UNC5D: variants seen among roughly 807,000 people sequenced by gnomAD.
UNC5D encodes netrin receptor UNC5D.
In UNC5D, 39 loss-of-function variants were observed where a neutral mutation model predicts 105.4. The observed-to-expected ratio is 0.37, with a 90% CI of 0.29 to 0.48. The LOEUF (loss-of-function observed/expected upper bound fraction) is 0.48. Ranked by LOEUF, UNC5D falls within the 20% of genes least tolerant of loss-of-function variation. UNC5D has a pLI of 0.98. For synonymous variants in UNC5D, 452 were observed against 450.4 expected, an observed-to-expected ratio of 1.00 and a Z score of -0.04; for missense variants, 991 against 1,202.4, an observed-to-expected ratio of 0.82 and a Z score of 2.60.
Position 35,434,209 on chromosome 8 carries a change from C to T in UNC5D, c.104-115083C>T, listed in dbSNP as rs374734921. On this transcript the variant is annotated intron_variant, in intron 1 of 16. Transcript: ENST00000404895. Reference sequence around the variant, plus strand: ...GACAGTAAATTAAATCTCAATTTCACGTGGATTTTACGTATCAGCTCATGT... The same window carrying T: ...GACAGTAAATTAAATCTCAATTTCATGTGGATTTTACGTATCAGCTCATGT... 4.6e-5 allele frequency among the ~76,000 whole-genome samples: 7 copies of T among 152,080 alleles called. No individual in the cohort carries two copies. In the East Asian group the frequency reaches 5.8e-4, roughly 13 times the overall value.
At chr8:35,544,512 A>G in intron 1 of UNC5D, 4 of 1,612,182 alleles carry the variant, frequency 2.5e-6, no homozygotes, top group Middle Eastern at 3.3e-4. Flanking sequence ...TTCCTGTTGG[A>G]CTTTTCCTCC....
chr8:35,465,424 T>A (rs1809232278), intron 1 of UNC5D, among the ~76,000 whole-genome samples: 1 of 145,032 alleles, frequency 6.9e-6, no homozygotes, highest in Admixed American at 7.0e-5. Flanking sequence ...GCCACATAAG[T>A]CTCAATCACA....
At chr8:35,589,418 T>C (rs1819013458) in intron 3 of UNC5D, among the ~76,000 whole-genome samples, 1 of 151,954 alleles carries the variant, frequency 6.6e-6, no homozygotes, top group Non-Finnish European at 1.5e-5. Context: ...TTTTTTTTTT[T>C]TTTTAGAAAA....
At chr8:35,419,652 T>C (rs1250754715) in intron 1 of UNC5D, among the ~76,000 whole-genome samples, 1 of 152,078 alleles carries the variant, frequency 6.6e-6, no homozygotes, top group African/African-American at 2.4e-5. Context: ...AGCTCGTTCG[T>C]GTTATGGCTT....
chr8:35,669,601 G>C (rs1824643623), intron 4 of UNC5D, among the ~76,000 whole-genome samples: 1 of 151,960 alleles, frequency 6.6e-6, no homozygotes, highest in South Asian at 2.1e-4. Context: ...CCCTGCCATT[G>C]TTACAGTGTC....
intron 1 of UNC5D, among the ~76,000 whole-genome samples, chr8:35,543,455 G>A (rs1815412752): frequency 6.6e-6 from 1 of 152,164 alleles, no homozygotes; most frequent in African/African-American, 2.4e-5. Context: ...CACATCAAAT[G>A]ATAAAATATT....
chr8:35,737,606 T>C (rs1829543232), intron 11 of UNC5D, among the ~76,000 whole-genome samples: 1 of 152,210 alleles, frequency 6.6e-6, no homozygotes, highest in Non-Finnish European at 1.5e-5. Context: ...CATGTGACCG[T>C]AATCTCATTT....
intron 4 of UNC5D, among the ~76,000 whole-genome samples, chr8:35,680,658 C>T (rs529440048): frequency 6.6e-5 from 10 of 152,252 alleles, no homozygotes; most frequent in African/African-American, 1.7e-4. Context: ...TTCTACTTGA[C>T]GGTTGTACCT....
intron 1 of UNC5D, among the ~76,000 whole-genome samples, chr8:35,330,186 T>C (rs1395622577): frequency 3.3e-5 from 5 of 152,224 alleles, no homozygotes; most frequent in Non-Finnish European, 4.4e-5. Flanking sequence ...TCCTTAACCT[T>C]AGTACATATT....
In UNC5D at chr8:35,317,688, A is replaced by C. The variant is rs191058060; in HGVS notation, c.103+81801A>C. Among the ~76,000 whole-genome samples the C allele has an allele frequency of 1.5e-3, 236 of 152,266 alleles. 2 individuals are homozygous for C. Among genetic ancestry groups the C allele is most frequent in the African/African-American group, 5.2e-3 (218 of 41,558 alleles). On this transcript the variant is annotated intron_variant, in intron 1 of 16. Coordinates refer to ENST00000404895, the MANE Select transcript of UNC5D (RefSeq NM_080872.4). ...GGAAGCCAGATTGTTTAGCGAACTC[A>C]GAGTAAGACTAAGGGTAGGTATGGA...
chr8:35,757,101 C>A (rs1350544916), intron 13 of UNC5D, among the ~76,000 whole-genome samples: 1 of 151,998 alleles, frequency 6.6e-6, no homozygotes, highest in African/African-American at 2.4e-5. Flanking sequence ...AGGTAAGGAA[C>A]TGAAGTCTAA....
chr8:35,250,176 T>C (rs1362494973), intron 1 of UNC5D, among the ~76,000 whole-genome samples: 1 of 152,154 alleles, frequency 6.6e-6, no homozygotes, highest in Non-Finnish European at 1.5e-5. Context: ...AGAGTTTAAT[T>C]CTGAAGTTCT....
intron 3 of UNC5D, among the ~76,000 whole-genome samples, chr8:35,589,693 A>G (rs1819034363): frequency 1.3e-5 from 2 of 151,806 alleles, no homozygotes; most frequent in African/African-American, 4.8e-5. Context: ...CCACTCATCT[A>G]TTTTCTGTCT....
chr8:35,706,034 G>A, intron 8 of UNC5D, 73 bp downstream of exon 8: 2 of 1,031,126 alleles, frequency 1.9e-6, no homozygotes, highest in Non-Finnish European at 2.8e-6. Flanking sequence ...TTGTTTAGGA[G>A]CTGAGCAGAA....
intron 1 of UNC5D, among the ~76,000 whole-genome samples, chr8:35,278,885 C>T (rs944461914): frequency 2.0e-5 from 3 of 152,122 alleles, no homozygotes; most frequent in African/African-American, 4.8e-5. Flanking sequence ...TCCTCATTTT[C>T]CCACCTCTCT....
intron 1 of UNC5D, among the ~76,000 whole-genome samples, chr8:35,517,653 A>G (rs1206644226): frequency 1.3e-5 from 2 of 152,212 alleles, no homozygotes; most frequent in African/African-American, 4.8e-5. Context: ...TGAATTACTC[A>G]CCCAATGCAT....
intron 7 of UNC5D, among the ~76,000 whole-genome samples, chr8:35,696,593 G>C (rs1350483052): frequency 6.6e-6 from 1 of 152,098 alleles, no homozygotes; most frequent in African/African-American, 2.4e-5. Flanking sequence ...ATCTACTGTT[G>C]TGAAAAACTC....
chr8:35,292,119 A>C (rs1450824523), intron 1 of UNC5D, among the ~76,000 whole-genome samples: 1 of 152,212 alleles, frequency 6.6e-6, no homozygotes, highest in African/African-American at 2.4e-5. Context: ...AGCTAGAAGG[A>C]ATTCTAACAA....
intron 1 of UNC5D, among the ~76,000 whole-genome samples, chr8:35,240,218 A>G (rs117401630): frequency 0.019 from 2,957 of 152,222 alleles, 37 homozygotes; most frequent in Non-Finnish European, 0.031. Flanking sequence ...CCAAAGTGCT[A>G]GGATTACAGG....
Sources: allele counts gnomAD v4.1 joint callset (sites outside exome capture counted in the v4.1 genomes callset), GRCh38; gene constraint gnomAD v4.1.1; transcripts MANE v1.5; gene names NCBI Gene and HGNC (gene_info 2026-07-23, HGNC 2026-07-21).